SHOC1: variants seen among roughly 807,000 people sequenced by gnomAD.
The protein encoded by SHOC1 is shortage in chiasmata 1.
SHOC1 carries 136 observed loss-of-function variants against 179.2 expected under a neutral mutation model. The observed-to-expected ratio is 0.76, with a 90% CI of 0.66 to 0.87. SHOC1 has a LOEUF of 0.87. Ranked by LOEUF, SHOC1 falls within the 40% of genes least tolerant of loss-of-function variation. The pLI is 0.00. For missense variants in SHOC1, 1,538 were observed against 1,700.8 expected, an observed-to-expected ratio of 0.90 and a Z score of 1.68; for synonymous variants, 489 against 586.6, an observed-to-expected ratio of 0.83 and a Z score of 2.41.
chr9:111,710,745 C>T (rs1832505433), intron 18 of SHOC1, among the ~76,000 whole-genome samples: 1 of 151,932 alleles, frequency 6.6e-6, no homozygotes, highest in South Asian at 2.1e-4. Context: ...CCTTCCTCAA[C>T]AAATGTTTTA....
At chr9:111,717,324 T>C (rs1832835138) in intron 16 of SHOC1, among the ~76,000 whole-genome samples, 1 of 152,188 alleles carries the variant, frequency 6.6e-6, no homozygotes, top group Non-Finnish European at 1.5e-5. Context: ...CTGGGTGTGG[T>C]GGCTCACACT....
chr9:111,746,249 G>C lies in SHOC1; in HGVS notation c.1064C>G (p.Ser355Cys), dbSNP rs762481138. ...CTTTACTTACATTTTACAAACCGGA[G>C]ATAATGGAAATGTCTGAAGTTCTGT... Reference protein sequence around the residue: ...LRTELQTFPLSPVCKINLLTA... With the variant: ...LRTELQTFPLCPVCKINLLTA... Residue 355 changes from serine (S) to cysteine (C), a missense_variant, in exon 10 of 28, where the codon TCT becomes TGT. By Grantham distance (112) the Ser-to-Cys change is moderately radical. Coordinates refer to ENST00000682961, the MANE Select transcript of SHOC1 (RefSeq NM_001378211.1). 1.4e-5 allele frequency: 22 copies of C among 1,598,250 alleles called. No homozygotes were observed. The highest frequency in any genetic ancestry group is 1.9e-5 in the Non-Finnish European group (22 of 1,165,950).
intron 5 of SHOC1, among the ~76,000 whole-genome samples, chr9:111,763,005 C>T (rs1835202477): frequency 6.6e-6 from 1 of 151,952 alleles, no homozygotes; most frequent in African/African-American, 2.4e-5. Flanking sequence ...CTATAAAAAT[C>T]AACTGCCTTT....
intron 24 of SHOC1, among the ~76,000 whole-genome samples, chr9:111,696,174 T>A (rs949584441): frequency 6.6e-6 from 1 of 152,190 alleles, no homozygotes; most frequent in South Asian, 2.1e-4. Flanking sequence ...ACAGAACTTT[T>A]AAAAAATTGG....
chr9:111,770,327 T>C (rs190416213), intron 5 of SHOC1, among the ~76,000 whole-genome samples: 1 of 152,324 alleles, frequency 6.6e-6, no homozygotes, highest in East Asian at 1.9e-4. Flanking sequence ...TTGTGCATTT[T>C]CCAAAGTTCC....
In SHOC1 at chr9:111,702,128, A is replaced by G. The variant is rs751832559; in HGVS notation, c.3066T>C (p.Tyr1022=). 6.7e-7 allele frequency: 1 copy of G among 1,489,936 alleles called. No homozygotes were observed. The highest frequency in any genetic ancestry group is 9.3e-7 in the Non-Finnish European group (1 of 1,078,832). 92.3% of individuals were successfully genotyped at this position (1,489,936 alleles called of 1,614,324 possible). The change falls in exon 23 of 28, where the codon TAT becomes TAC. Residue 1022 remains tyrosine (Y), a synonymous_variant. Coordinates refer to ENST00000682961, the MANE Select transcript of SHOC1 (RefSeq NM_001378211.1). ...ACTCTGAATTTAATGTTTCTTTGGT[A>G]TATAAAATTATCCAACAATATCTGT... The part of the protein sequence containing the change: ...LQYRYCWIIL[Y]TKETLNSEYL...
At chr9:111,748,704 A>T (rs981558200) in intron 8 of SHOC1, among the ~76,000 whole-genome samples, 3 of 133,804 alleles carry the variant, frequency 2.2e-5, no homozygotes, top group Non-Finnish European at 4.7e-5. Context: ...CAGCTGCCTG[A>T]CACATTTTAC....
intron 4 of SHOC1, among the ~76,000 whole-genome samples, chr9:111,779,114 AAGAG>A (rs201917801): frequency 0.036 from 4,664 of 129,574 alleles, 393 homozygotes; most frequent in African/African-American, 0.11. Context: ...AAAAAAAAAA[AAGAG>A]AGAGAGAGAG....
At chr9:111,785,797 G>T in intron 3 of SHOC1, 115 bp downstream of exon 3, 1 of 798,370 alleles carries the variant, frequency 1.3e-6, no homozygotes, top group Non-Finnish European at 1.8e-6. Context: ...ATTCTGACAT[G>T]AGTAGATGCA....
At chr9:111,744,961 C>G (rs553717650) in intron 10 of SHOC1, among the ~76,000 whole-genome samples, 11 of 152,292 alleles carry the variant, frequency 7.2e-5, no homozygotes, top group African/African-American at 2.6e-4. Flanking sequence ...AATGACCTAG[C>G]CCTGCAGTAT....
chr9:111,690,525 C>T (rs1479568456), intron 27 of SHOC1, among the ~76,000 whole-genome samples: 3 of 152,060 alleles, frequency 2.0e-5, no homozygotes, highest in Non-Finnish European at 4.4e-5. Flanking sequence ...ATGTTTATCA[C>T]AGAAATGGCA....
At chr9:111,688,103 C>T (rs754244607) in intron 27 of SHOC1, among the ~76,000 whole-genome samples, 11 of 152,100 alleles carry the variant, frequency 7.2e-5, no homozygotes. Context: ...TTCTGGTAAA[C>T]GTTTAACAAC....
intron 12 of SHOC1, among the ~76,000 whole-genome samples, chr9:111,733,639 G>A (rs772602581): frequency 4.6e-5 from 7 of 152,156 alleles, no homozygotes; most frequent in African/African-American, 9.7e-5. Flanking sequence ...ATGCCAAGGC[G>A]GGCGGATCAC....
intron 7 of SHOC1, among the ~76,000 whole-genome samples, chr9:111,757,666 G>C (rs1475829429): frequency 6.6e-6 from 1 of 152,094 alleles, no homozygotes. Flanking sequence ...TCTTACTCTT[G>C]CAATATTCTC....
chr9:111,745,727 C>T (rs1002237867), intron 10 of SHOC1, among the ~76,000 whole-genome samples: 1 of 152,142 alleles, frequency 6.6e-6, no homozygotes, highest in African/African-American at 2.4e-5. Flanking sequence ...TTGTTTAAGT[C>T]ATCTAATCTG....
chr9:111,702,571 G>T (rs1419071742), intron 22 of SHOC1, among the ~76,000 whole-genome samples: 1 of 152,192 alleles, frequency 6.6e-6, no homozygotes, highest in African/African-American at 2.4e-5. Context: ...CTTTGTGGAT[G>T]CAAGTCCTTT....
At chr9:111,756,566 G>A (rs1834872284) in intron 7 of SHOC1, 88 bp from the exon 8 acceptor site, 2 of 1,117,638 alleles carry the variant, frequency 1.8e-6, no homozygotes, top group South Asian at 2.9e-5. Context: ...TTGCTTAAAT[G>A]ATGTGCCAAA....
intron 5 of SHOC1, among the ~76,000 whole-genome samples, chr9:111,775,294 G>A (rs1162687665): frequency 1.3e-5 from 2 of 151,858 alleles, no homozygotes; most frequent in African/African-American, 2.4e-5. Flanking sequence ...CACCGTGCCC[G>A]GCCTACTTTT....
At chr9:111,790,110 A>G (rs998404514) in intron 2 of SHOC1, among the ~76,000 whole-genome samples, 5 of 152,380 alleles carry the variant, frequency 3.3e-5, no homozygotes, top group Admixed American at 2.6e-4. Context: ...AGCTCTGACA[A>G]TTATAAAAGC....
Sources: allele counts gnomAD v4.1 joint callset (sites outside exome capture counted in the v4.1 genomes callset), GRCh38; gene constraint gnomAD v4.1.1; transcripts MANE v1.5; gene names NCBI Gene and HGNC (gene_info 2026-07-23, HGNC 2026-07-21).